The following SLC35F3 variants were observed in gnomAD, a reference collection of about 807,000 sequenced individuals.
SLC35F3 encodes putative thiamine transporter SLC35F3.
A neutral mutation model predicts 49.9 loss-of-function variants in SLC35F3; 25 were observed. That is an observed-to-expected ratio of 0.50 (90% CI 0.37 to 0.70). The LOEUF (loss-of-function observed/expected upper bound fraction) is 0.70. Ranked by LOEUF, SLC35F3 falls within the 30% of genes least tolerant of loss-of-function variation. The probability of loss-of-function intolerance (pLI) is 0.00; values close to 1 mark genes in which losing one functional copy is unlikely to be tolerated. For missense variants in SLC35F3, 525 were observed against 639.8 expected, an observed-to-expected ratio of 0.82 and a Z score of 1.94; for synonymous variants, 275 against 265.4, an observed-to-expected ratio of 1.04 and a Z score of -0.35.
intron 2 of SLC35F3, among the ~76,000 whole-genome samples, chr1:233,997,451 G>A (rs1411402345): frequency 3.3e-5 from 5 of 152,146 alleles, no homozygotes; most frequent in African/African-American, 4.8e-5. Context: ...TGGGTGTGAG[G>A]TGATATCTCA....
rs1461920634 is a variant in SLC35F3, at chr1:234,066,828, TCCCACACA to T, written c.283+161072_283+161079del. Reference sequence around the variant, plus strand: ...CTCTCTCTGTCTCTGTCCCTCTCTCTCCCACACACACACACACACACACACACACACAC... The same window carrying T: ...CTCTCTCTGTCTCTGTCCCTCTCTCTCACACACACACACACACACACACAC... On this transcript the variant is annotated intron_variant, in intron 2 of 7. Coordinates refer to ENST00000366618, the MANE Select transcript of SLC35F3 (RefSeq NM_173508.4). Among the ~76,000 whole-genome samples the T allele has an allele frequency of 1.7e-4, 17 of 99,158 alleles. No homozygotes were observed. The South Asian group carries it at 2.4e-3, about 14-fold the overall frequency. The allele number at this position is 99,158 out of a possible 152,430, so 65.1% of individuals were successfully genotyped here.
intron 3 of SLC35F3, among the ~76,000 whole-genome samples, chr1:234,277,869 AG>A (rs1282264572): frequency 6.6e-6 from 1 of 152,216 alleles, no homozygotes; most frequent in Non-Finnish European, 1.5e-5. Flanking sequence ...TAACTCTAAA[AG>A]GAGGATGTGC....
intron 2 of SLC35F3, among the ~76,000 whole-genome samples, chr1:234,059,741 G>A (rs1200289028): frequency 6.6e-6 from 1 of 152,076 alleles, no homozygotes; most frequent in Non-Finnish European, 1.5e-5. Flanking sequence ...CCCACAATAG[G>A]CTATCTGCAA....
chr1:234,005,697 G>A (rs1338152100), intron 2 of SLC35F3, among the ~76,000 whole-genome samples: 2 of 152,110 alleles, frequency 1.3e-5, no homozygotes, highest in Non-Finnish European at 2.9e-5. Context: ...CAAAATTAGG[G>A]GCAGGAAGAG....
chr1:233,908,634 C>T (rs1489215833), intron 2 of SLC35F3, among the ~76,000 whole-genome samples: 3 of 150,136 alleles, frequency 2.0e-5, no homozygotes, highest in Non-Finnish European at 4.4e-5. Context: ...TTCCACCTCC[C>T]GGGTTCAAGC....
At chr1:233,931,296 T>C (rs1473024528) in intron 2 of SLC35F3, among the ~76,000 whole-genome samples, 2 of 152,146 alleles carry the variant, frequency 1.3e-5, no homozygotes, top group Admixed American at 1.3e-4. Flanking sequence ...TGGGATCTAA[T>C]TAAACTAAAG....
chr1:234,010,870 T>TTA (rs1329886979), intron 2 of SLC35F3, among the ~76,000 whole-genome samples: 1 of 152,178 alleles, frequency 6.6e-6, no homozygotes, highest in Admixed American at 6.5e-5. Flanking sequence ...GAGAAGGGCA[T>TTA]TATATAATGA....
intron 2 of SLC35F3, among the ~76,000 whole-genome samples, chr1:234,098,857 T>A (rs1466909091): frequency 6.6e-6 from 1 of 151,374 alleles, no homozygotes; most frequent in Non-Finnish European, 1.5e-5. Flanking sequence ...GTGGTGGCAG[T>A]TCAGATGGCG....
At chr1:234,031,064 T>C (rs981627726) in intron 2 of SLC35F3, among the ~76,000 whole-genome samples, 3 of 152,232 alleles carry the variant, frequency 2.0e-5, no homozygotes, top group Admixed American at 6.5e-5. Flanking sequence ...CCAAGACTTA[T>C]AGAAGAGTTT....
chr1:234,012,284 A>G (rs1663734548), intron 2 of SLC35F3, among the ~76,000 whole-genome samples: 3 of 152,188 alleles, frequency 2.0e-5, no homozygotes. Context: ...TGGGTTTTAT[A>G]CTGAGACATT....
chr1:233,994,072 G>A (rs992956121), intron 2 of SLC35F3, among the ~76,000 whole-genome samples: 2 of 152,178 alleles, frequency 1.3e-5, no homozygotes, highest in Non-Finnish European at 2.9e-5. Context: ...AGAGTCAAAG[G>A]CCAAGTTCCT....
chr1:234,101,838 T>A (rs1044990838), intron 2 of SLC35F3, among the ~76,000 whole-genome samples: 6 of 152,226 alleles, frequency 3.9e-5, no homozygotes, highest in Non-Finnish European at 1.5e-5. Context: ...AGATTCTACG[T>A]CCTTAAGAAT....
chr1:234,114,447 A>T (rs181314476), intron 2 of SLC35F3, among the ~76,000 whole-genome samples: 1 of 152,224 alleles, frequency 6.6e-6, no homozygotes, highest in African/African-American at 2.4e-5. Context: ...ATAAACTGAC[A>T]TATTTATGAA....
intron 2 of SLC35F3, among the ~76,000 whole-genome samples, chr1:233,910,843 A>G (rs1661862801): frequency 6.6e-6 from 1 of 152,172 alleles, no homozygotes; most frequent in Non-Finnish European, 1.5e-5. Flanking sequence ...GCTTTTTTCC[A>G]GAATGTGAAT....
intron 3 of SLC35F3, among the ~76,000 whole-genome samples, chr1:234,273,191 C>A (rs1333621608): frequency 6.6e-6 from 1 of 152,254 alleles, no homozygotes; most frequent in Non-Finnish European, 1.5e-5. Context: ...TTCAATGCAT[C>A]GATTTGAATC....
intron 3 of SLC35F3, among the ~76,000 whole-genome samples, chr1:234,301,158 GTCA>G (rs1668685773): frequency 6.6e-6 from 1 of 152,186 alleles, no homozygotes; most frequent in South Asian, 2.1e-4. Context: ...TGATTAAAGA[GTCA>G]TCAGCTGGGC....
rs903260696 is a variant in SLC35F3 at position 233,965,946 on chromosome 1, G to A, written c.283+60188G>A. Among the ~76,000 whole-genome samples, 3 of 152,204 alleles carry A rather than the reference G, an allele frequency of 2.0e-5. No individual in the cohort carries two copies. The East Asian group carries it at 5.8e-4, about 29-fold the overall frequency. ...CTTTGGCTAGGTTGGATATTTTCAT[G>A]GGCAGCAGTTCTCTAAGTGACTTAT... On this transcript the variant is annotated intron_variant, in intron 2 of 7. Transcript: ENST00000366618.
At chr1:234,182,159 T>C (rs898211849) in intron 2 of SLC35F3, among the ~76,000 whole-genome samples, 1 of 152,244 alleles carries the variant, frequency 6.6e-6, no homozygotes, top group African/African-American at 2.4e-5. Flanking sequence ...ATTCAGGGAT[T>C]CATGCATGTT....
chr1:234,013,105 T>C (rs1663748691), intron 2 of SLC35F3, among the ~76,000 whole-genome samples: 2 of 152,144 alleles, frequency 1.3e-5, no homozygotes, highest in Non-Finnish European at 2.9e-5. Context: ...TCTGAATAAA[T>C]TTAAGAGGAT....
Sources: gnomAD v4.1 joint callset for allele counts (sites outside exome capture counted in the v4.1 genomes callset) on GRCh38, gnomAD v4.1.1 for gene constraint, MANE v1.5 for transcripts, NCBI Gene and HGNC (gene_info 2026-07-23, HGNC 2026-07-21) for gene names.